The following PPM1E variants were observed in gnomAD, a reference collection of about 807,000 sequenced individuals.
PPM1E encodes protein phosphatase, Mg2+/Mn2+ dependent 1E, also known as protein phosphatase 1E.
In PPM1E, 20 loss-of-function variants were observed where a neutral mutation model predicts 65.9. That is an observed-to-expected ratio of 0.30 (90% CI 0.21 to 0.44). PPM1E has a LOEUF of 0.44. PPM1E is among the 20% of genes least tolerant of loss of function. PPM1E has a pLI of 1.00. For synonymous variants in PPM1E, 352 were observed against 374.9 expected (o/e 0.94, Z 0.70); for missense variants, 713 against 953.1 (o/e 0.75, Z 3.32).
intron 1 of PPM1E, among the ~76,000 whole-genome samples, chr17:58,769,042 A>G (rs1470898138): frequency 6.6e-6 from 1 of 152,154 alleles, no homozygotes; most frequent in Non-Finnish European, 1.5e-5. Context: ...AATAGTTCAC[A>G]GCTTGGTATA....
chr17:58,788,341 T>C (rs1338886085), intron 1 of PPM1E, among the ~76,000 whole-genome samples: 2 of 152,130 alleles, frequency 1.3e-5, no homozygotes, highest in African/African-American at 4.8e-5. Flanking sequence ...ACTCTTTCTT[T>C]CCTTGATTTT....
At chr17:58,971,348 A>G (rs773560193) in intron 4 of PPM1E, among the ~76,000 whole-genome samples, 1 of 152,132 alleles carries the variant, frequency 6.6e-6, no homozygotes, top group Non-Finnish European at 1.5e-5. Flanking sequence ...ACCACCCCTG[A>G]CGCATTGGTT....
chr17:58,886,007 C>T (rs1241208627), intron 1 of PPM1E, among the ~76,000 whole-genome samples: 2 of 152,166 alleles, frequency 1.3e-5, no homozygotes, highest in Non-Finnish European at 2.9e-5. Flanking sequence ...GGTGAATTGG[C>T]TTTCTTCTCA....
chr17:58,805,988 AACAAAACAAAAC>A (rs1567838941), intron 1 of PPM1E, among the ~76,000 whole-genome samples: 18 of 109,876 alleles, frequency 1.6e-4, no homozygotes, highest in East Asian at 6.0e-4. Flanking sequence ...AAAAAAACAA[AACAAAACAAAAC>A]AAAAAAAAAA....
At chr17:58,767,861 C>G (rs943544669) in intron 1 of PPM1E, among the ~76,000 whole-genome samples, 3 of 152,058 alleles carry the variant, frequency 2.0e-5, no homozygotes, top group Non-Finnish European at 4.4e-5. Flanking sequence ...AGACTGGTCT[C>G]GAACTCCCGA....
At chr17:58,804,793 A>G (rs1362394380) in intron 1 of PPM1E, among the ~76,000 whole-genome samples, 2 of 152,086 alleles carry the variant, frequency 1.3e-5, no homozygotes, top group Non-Finnish European at 2.9e-5. Context: ...AATGGGGTAC[A>G]TGTCATATTT....
At chr17:58,925,346 T>C (rs1428569571) in intron 1 of PPM1E, among the ~76,000 whole-genome samples, 1 of 152,190 alleles carries the variant, frequency 6.6e-6, no homozygotes, top group Admixed American at 6.5e-5. Context: ...GAGCCCTTTT[T>C]TCATACCTTT....
At chr17:58,816,533 A>T (rs931521430) in intron 1 of PPM1E, among the ~76,000 whole-genome samples, 35 of 151,138 alleles carry the variant, frequency 2.3e-4, no homozygotes, top group Non-Finnish European at 4.0e-4. Context: ...TACCCATTAA[A>T]CAATAACTTT....
At chr17:58,815,127 C>T (rs956311869) in intron 1 of PPM1E, among the ~76,000 whole-genome samples, 3 of 152,312 alleles carry the variant, frequency 2.0e-5, no homozygotes, top group Middle Eastern at 3.4e-3. Flanking sequence ...GAAATAAAAA[C>T]TATCTTTTAC....
At chr17:58,780,058 T>G (rs1454536276) in intron 1 of PPM1E, among the ~76,000 whole-genome samples, 1 of 152,226 alleles carries the variant, frequency 6.6e-6, no homozygotes, top group African/African-American at 2.4e-5. Context: ...TTCATATATG[T>G]AGATCTTTTT....
chr17:58,967,808 T>C (rs1248028184), intron 3 of PPM1E, among the ~76,000 whole-genome samples: 4 of 151,670 alleles, frequency 2.6e-5, no homozygotes, highest in Admixed American at 2.6e-4. Flanking sequence ...TATTTCTTTT[T>C]TTTTTTTTTT....
Position 58,756,252 on chromosome 17 carries a change from G to A in PPM1E, c.255G>A (p.Pro85=). 1.9e-6 allele frequency: 3 copies of A among 1,550,516 alleles called. No individual in the cohort carries two copies. Among genetic ancestry groups the A allele is most frequent in the Middle Eastern group, 3.5e-4 (2 of 5,658 alleles). Reference sequence around the variant, plus strand: ...AGGAGGGGGACCAGGAGCAAGACCCGGAGCCCGAGGAGGAGGCGGCGGTTG... The same window carrying A: ...AGGAGGGGGACCAGGAGCAAGACCCAGAGCCCGAGGAGGAGGCGGCGGTTG... ...ATEEGDQEQD[P]EPEEEAAVEG... is the part of the protein sequence containing the mutation. Residue 85 remains proline, a synonymous_variant, in exon 1 of 7, where the codon CCG becomes CCA. Transcript: ENST00000308249.
chr17:58,902,900 T>C (rs1289644619), intron 1 of PPM1E, among the ~76,000 whole-genome samples: 1 of 152,192 alleles, frequency 6.6e-6, no homozygotes, highest in Admixed American at 6.5e-5. Flanking sequence ...GCAAGATATA[T>C]AAAATTATTT....
At chr17:58,811,818 G>T (rs980956998) in intron 1 of PPM1E, among the ~76,000 whole-genome samples, 1 of 151,938 alleles carries the variant, frequency 6.6e-6, no homozygotes, top group African/African-American at 2.4e-5. Flanking sequence ...CTATAGGCGT[G>T]TGCCACCATG....
At chr17:58,802,283 G>T (rs906929576) in intron 1 of PPM1E, among the ~76,000 whole-genome samples, 1 of 152,064 alleles carries the variant, frequency 6.6e-6, no homozygotes, top group African/African-American at 2.4e-5. Flanking sequence ...ATTTATTAAA[G>T]AAACTATCCT....
chr17:58,845,545 A>G (rs1598606900), intron 1 of PPM1E, among the ~76,000 whole-genome samples: 1 of 152,046 alleles, frequency 6.6e-6, no homozygotes, highest in African/African-American at 2.4e-5. Context: ...CTTTTTGACT[A>G]TGATTTGGAC....
At chr17:58,846,909 C>T (rs1295355603) in intron 1 of PPM1E, among the ~76,000 whole-genome samples, 3 of 152,150 alleles carry the variant, frequency 2.0e-5, no homozygotes, top group Non-Finnish European at 4.4e-5. Flanking sequence ...GTTCCTATTT[C>T]TCCACATCCT....
intron 1 of PPM1E, among the ~76,000 whole-genome samples, chr17:58,886,586 TC>T (rs1357215514): frequency 6.6e-6 from 1 of 152,210 alleles, no homozygotes; most frequent in Non-Finnish European, 1.5e-5. Context: ...TTCTTTTATT[TC>T]CCCTTTTGCC....
At chr17:58,902,358 T>G (rs1015987071) in intron 1 of PPM1E, among the ~76,000 whole-genome samples, 1 of 152,156 alleles carries the variant, frequency 6.6e-6, no homozygotes, top group African/African-American at 2.4e-5. Context: ...GATAAATGTT[T>G]GTGTTTTTTT....
Sources: gnomAD v4.1 joint callset for allele counts (sites outside exome capture counted in the v4.1 genomes callset) on GRCh38, gnomAD v4.1.1 for gene constraint, MANE v1.5 for transcripts, NCBI Gene and HGNC (gene_info 2026-07-23, HGNC 2026-07-21) for gene names.